Variants in ERC2 observed in about 807,000 individuals in gnomAD.
ERC2 encodes ERC protein 2.
A neutral mutation model predicts 114.8 loss-of-function variants in ERC2; 42 were observed. The ratio of observed to expected loss-of-function variants is 0.37; its 90% CI spans 0.29 to 0.47. The LOEUF (loss-of-function observed/expected upper bound fraction) is 0.47. Among genes scored for constraint, ERC2 ranks in the 20% least tolerant of loss-of-function variants. The pLI, the probability that ERC2 is intolerant of heterozygous loss-of-function variation, is 0.99. For synonymous variants in ERC2, 454 were observed against 425.5 expected (o/e 1.07, Z -0.82); for missense variants, 939 against 1,150.7 (o/e 0.82, Z 2.66).
intron 2 of ERC2, among the ~76,000 whole-genome samples, chr3:56,427,318 G>A (rs55893398): frequency 0.041 from 6,190 of 152,192 alleles, 318 homozygotes; most frequent in African/African-American, 0.11. Context: ...TGTAGAGGCA[G>A]GGTCTTGCTA....
At chr3:55,587,751 A>G (rs2057672116) in intron 17 of ERC2, among the ~76,000 whole-genome samples, 1 of 152,196 alleles carries the variant, frequency 6.6e-6, no homozygotes, top group Non-Finnish European at 1.5e-5. Context: ...TGGTGATAAT[A>G]CTATTCAGCG....
At chr3:56,124,691 T>G (rs773299183) in intron 6 of ERC2, among the ~76,000 whole-genome samples, 1 of 152,162 alleles carries the variant, frequency 6.6e-6, no homozygotes, top group Non-Finnish European at 1.5e-5. Context: ...TTGAGTACTG[T>G]GCTAAGGCAC....
intron 17 of ERC2, among the ~76,000 whole-genome samples, chr3:55,609,100 G>A (rs548397476): frequency 1.3e-5 from 2 of 152,282 alleles, no homozygotes; most frequent in South Asian, 2.1e-4. Context: ...AAAGTTATCT[G>A]AAGTCAAGCA....
chr3:56,417,667 T>G (rs9829620), intron 2 of ERC2, among the ~76,000 whole-genome samples: 7,195 of 152,206 alleles, frequency 0.047, 423 homozygotes, highest in African/African-American at 0.14. Flanking sequence ...GTTAACCAAA[T>G]TCTCACAGCT....
At chr3:55,596,378 T>C (rs2058135685) in intron 17 of ERC2, among the ~76,000 whole-genome samples, 1 of 152,040 alleles carries the variant, frequency 6.6e-6, no homozygotes, top group Admixed American at 6.5e-5. Context: ...GCCCAGGAGT[T>C]CAAGACCAGC....
At chr3:55,994,031 G>A (rs2071290718) in intron 10 of ERC2, among the ~76,000 whole-genome samples, 3 of 152,014 alleles carry the variant, frequency 2.0e-5, no homozygotes, top group Non-Finnish European at 2.9e-5. Flanking sequence ...CATTACTTTT[G>A]TTACAGAAAA....
At chr3:56,093,180 A>G (rs760331811) in intron 6 of ERC2, among the ~76,000 whole-genome samples, 2 of 152,180 alleles carry the variant, frequency 1.3e-5, no homozygotes, top group East Asian at 1.9e-4. Flanking sequence ...GAAGTTTGCT[A>G]TAAGAGCGTT....
At chr3:56,326,823 C>T (rs1203857064) in intron 2 of ERC2, among the ~76,000 whole-genome samples, 1 of 152,244 alleles carries the variant, frequency 6.6e-6, no homozygotes, top group Non-Finnish European at 1.5e-5. Context: ...CCTGCTCCAT[C>T]ATTCCTCTGC....
intron 2 of ERC2, among the ~76,000 whole-genome samples, chr3:56,393,830 T>TCAG (rs2060210662): frequency 6.6e-6 from 1 of 152,036 alleles, no homozygotes; most frequent in Admixed American, 6.6e-5. Context: ...GCCATAAGCC[T>TCAG]CAGTGAAGAT....
intron 13 of ERC2, among the ~76,000 whole-genome samples, chr3:55,947,114 A>G (rs1184446465): frequency 3.3e-5 from 5 of 152,130 alleles, no homozygotes; most frequent in Non-Finnish European, 5.9e-5. Flanking sequence ...GATTTCACAT[A>G]CAAATTCCCA....
At chr3:55,944,023 C>T (rs138714558) in intron 13 of ERC2, among the ~76,000 whole-genome samples, 212 of 152,246 alleles carry the variant, frequency 1.4e-3, no homozygotes, top group African/African-American at 4.4e-3. Flanking sequence ...GGACCAAAAG[C>T]CACAAAATAG....
chr3:56,086,847 A>C (rs2149774808), intron 6 of ERC2, among the ~76,000 whole-genome samples: 1 of 152,262 alleles, frequency 6.6e-6, no homozygotes. Flanking sequence ...CTCCAACATC[A>C]GGTAGAGACA....
intron 4 of ERC2, among the ~76,000 whole-genome samples, chr3:56,170,912 G>A (rs142320403): frequency 0.058 from 8,747 of 151,710 alleles, 409 homozygotes; most frequent in African/African-American, 0.13. Flanking sequence ...CTACAGGCGC[G>A]TGCCACCACG....
intron 14 of ERC2, among the ~76,000 whole-genome samples, chr3:55,820,621 T>C (rs34392938): frequency 0.022 from 3,392 of 152,172 alleles, 75 homozygotes; most frequent in Middle Eastern, 0.027. Flanking sequence ...AGAAGATAAA[T>C]TGAGGCACAG....
chr3:55,804,841 T>C (rs1382506200), intron 14 of ERC2, among the ~76,000 whole-genome samples: 1 of 152,054 alleles, frequency 6.6e-6, no homozygotes, highest in Non-Finnish European at 1.5e-5. Context: ...CACTTCCTGC[T>C]TGGACCAGGT....
intron 12 of ERC2, among the ~76,000 whole-genome samples, chr3:55,982,450 G>A (rs1279546514): frequency 2.0e-5 from 3 of 150,326 alleles, no homozygotes; most frequent in Non-Finnish European, 4.4e-5. Flanking sequence ...GTTGTTATGA[G>A]AAGTGAACAT....
intron 17 of ERC2, among the ~76,000 whole-genome samples, chr3:55,544,540 T>A (rs998846845): frequency 1.3e-5 from 2 of 152,124 alleles, no homozygotes; most frequent in Non-Finnish European, 2.9e-5. Flanking sequence ...CTAGGAATTG[T>A]CCCCTGGGGC....
intron 14 of ERC2, among the ~76,000 whole-genome samples, chr3:55,836,033 C>A (rs180686788): frequency 0.34 from 50,949 of 147,732 alleles, 10,991 homozygotes; most frequent in African/African-American, 0.61. Context: ...ATACCTAGGA[C>A]TCCAACTTAC....
At chr3:55,716,171 T>A (rs969328037) in intron 15 of ERC2, among the ~76,000 whole-genome samples, 2 of 152,220 alleles carry the variant, frequency 1.3e-5, no homozygotes, top group Non-Finnish European at 2.9e-5. Context: ...GTCATGTGCA[T>A]CAGATAGAAA....
Sources: gnomAD v4.1 joint callset for allele counts (sites outside exome capture counted in the v4.1 genomes callset) on GRCh38, gnomAD v4.1.1 for gene constraint, MANE v1.5 for transcripts, NCBI Gene and HGNC (gene_info 2026-07-23, HGNC 2026-07-21) for gene names.